The following CACNA1C variants were observed in gnomAD, a reference collection of about 807,000 sequenced individuals.
CACNA1C encodes the protein calcium voltage-gated channel subunit alpha1 C, also known as voltage-dependent L-type calcium channel subunit alpha-1C.
Under a neutral mutation model 229.0 loss-of-function variants are expected in CACNA1C, and 30 were observed. The observed-to-expected ratio is 0.13, with a 90% confidence interval of 0.10 to 0.18. The LOEUF is 0.18. Among genes scored for constraint, CACNA1C ranks in the 10% least tolerant of loss-of-function variants. The pLI, the probability that CACNA1C is intolerant of heterozygous loss-of-function variation, is 1.00. For missense variants in CACNA1C, 1,658 were observed against 2,845.0 expected, an observed-to-expected ratio of 0.58 and a Z score of 9.49; for synonymous variants, 1,114 against 1,132.5, an observed-to-expected ratio of 0.98 and a Z score of 0.33.
chr12:2,495,790 G>A lies in CACNA1C; in HGVS notation c.1113+2404G>A, dbSNP rs559024016. Among the ~76,000 whole-genome samples, 4 of 152,326 alleles carry A rather than the reference G, an allele frequency of 2.6e-5. No individual in the cohort carries two copies. In the South Asian group the frequency reaches 8.3e-4, roughly 32 times the overall value. On this transcript the variant is annotated intron_variant, in intron 7 of 46. Coordinates refer to ENST00000399655, the MANE Select transcript of CACNA1C (RefSeq NM_000719.7). ...CCCAAAATGGCCATGTTGTGTGTGTGTGCATTTGTATGTGTGTGCACGCCT... is the reference window on the plus strand; with the variant it reads ...CCCAAAATGGCCATGTTGTGTGTGTATGCATTTGTATGTGTGTGCACGCCT...
At chr12:2,245,541 G>C (rs951823528) in intron 3 of CACNA1C, among the ~76,000 whole-genome samples, 5 of 152,152 alleles carry the variant, frequency 3.3e-5, no homozygotes, top group African/African-American at 1.2e-4. Context: ...TCCTTTCCTT[G>C]TTCCTCCCAA....
chr12:2,315,201 C>G (rs78092653), intron 3 of CACNA1C, among the ~76,000 whole-genome samples: 1 of 152,198 alleles, frequency 6.6e-6, no homozygotes. Flanking sequence ...TTCAAATCTT[C>G]AAGGCCAGAT....
chr12:2,531,954 A>C (rs2099841960), intron 9 of CACNA1C, among the ~76,000 whole-genome samples: 1 of 151,932 alleles, frequency 6.6e-6, no homozygotes, highest in Non-Finnish European at 1.5e-5. Flanking sequence ...AAACCCTTCC[A>C]TCTTTGTGCA....
At chr12:2,413,643 C>A (rs2098833281) in intron 3 of CACNA1C, among the ~76,000 whole-genome samples, 1 of 152,160 alleles carries the variant, frequency 6.6e-6, no homozygotes, top group African/African-American at 2.4e-5. Context: ...CTGGGTCTGG[C>A]CGCCGTCCTA....
intron 9 of CACNA1C, among the ~76,000 whole-genome samples, chr12:2,520,886 G>A (rs1370407841): frequency 1.3e-5 from 2 of 151,970 alleles, no homozygotes; most frequent in East Asian, 3.9e-4. Context: ...CTTCAGAGGA[G>A]TGGGAAGGTG....
At position 2,268,154 on chromosome 12, in the gene CACNA1C, T is replaced by G. The variant is rs148061916; in HGVS notation, c.477+147724T>G. On this transcript the variant is annotated intron_variant, in intron 3 of 46. Transcript: ENST00000399655. ...GCAAACCTTGACTGGCTCCAAACAT[T>G]TTCACTTCAGGTGGTTTCTGAAAGA... is the stretch of plus-strand genomic sequence containing the variant. Among the ~76,000 whole-genome samples the G allele has an allele frequency of 5.9e-5, 9 of 152,262 alleles. No individual in the cohort carries two copies. In the East Asian group the frequency reaches 1.7e-3, roughly 29 times the overall value.
rs60493158 is a variant in CACNA1C, at chr12:2,135,581, C to G, written c.477+15151C>G. Among the ~76,000 whole-genome samples, 700 of 123,870 alleles carry G rather than the reference C, an allele frequency of 5.7e-3. 57 individuals carry two copies. Among genetic ancestry groups the G allele is most frequent in the Middle Eastern group, 0.016 (4 of 244 alleles). 81.3% of individuals were successfully genotyped at this position (123,870 alleles called of 152,430 possible). ...GTACCCTGCTGTGAGAGGTGTCAGT[C>G]TGCCCCTGCTGGGGGGTGCCTCCCA... On this transcript the variant is annotated intron_variant, in intron 3 of 46. Coordinates refer to ENST00000399655, the MANE Select transcript of CACNA1C (RefSeq NM_000719.7).
chr12:2,526,266 C>T (rs937883805), intron 9 of CACNA1C, among the ~76,000 whole-genome samples: 25 of 152,232 alleles, frequency 1.6e-4, no homozygotes, highest in Admixed American at 2.6e-4. Flanking sequence ...ATGCATCCCC[C>T]GAACCACACC....
At chr12:2,616,465 C>T (rs1193445645) in intron 29 of CACNA1C, among the ~76,000 whole-genome samples, 1 of 152,236 alleles carries the variant, frequency 6.6e-6, no homozygotes, top group African/African-American at 2.4e-5. Flanking sequence ...TGCCCCAGCC[C>T]TCCCTGGCCT....
intron 3 of CACNA1C, among the ~76,000 whole-genome samples, chr12:2,363,974 C>T (rs544875600): frequency 4.6e-5 from 7 of 152,294 alleles, no homozygotes; most frequent in African/African-American, 1.7e-4. Flanking sequence ...ATCATCCCCT[C>T]GTGCCTGGTG....
rs140792559 is a variant in CACNA1C, at chr12:2,019,156, C to T, written c.139+47955C>T. On this transcript the variant is annotated intron_variant, in intron 1 of 46. Coordinates refer to the CACNA1C transcript ENST00000682462. ...AAGGGAAAAACAGAGTTGGAGCTGA[C>T]TGAGGATTAGAAATGGAATCTGGGG... Among the ~76,000 whole-genome samples the T allele has an allele frequency of 6.8e-3, 1,034 of 152,146 alleles. 7 individuals are homozygous for T. The highest frequency in any genetic ancestry group is 0.011 in the Admixed American group (170 of 15,274).
intron 3 of CACNA1C, among the ~76,000 whole-genome samples, chr12:2,358,494 T>C (rs1158730620): frequency 6.6e-6 from 1 of 152,224 alleles, no homozygotes; most frequent in African/African-American, 2.4e-5. Context: ...TAAGTGGCAG[T>C]AACAGGAATT....
chr12:2,048,852 GGAA>G (rs151107211), upstream of CACNA1C, among the ~76,000 whole-genome samples: 16 of 152,002 alleles, frequency 1.1e-4, no homozygotes, highest in Admixed American at 2.6e-4. Flanking sequence ...GACCAGACAG[GGAA>G]GAAGAAGAAG....
Position 2,566,096 on chromosome 12 carries a change from A to C in CACNA1C, c.1509-326A>C, listed in dbSNP as rs1275172519. Reference sequence around the variant, plus strand: ...ACTATTTCTAAGAATGCTGTTTCACAAAAATTAAAAAAACTTCCATTTATT... The same window carrying C: ...ACTATTTCTAAGAATGCTGTTTCACCAAAATTAAAAAAACTTCCATTTATT... On this transcript the variant is annotated intron_variant, in intron 11 of 46. Coordinates refer to ENST00000399655, the MANE Select transcript of CACNA1C (RefSeq NM_000719.7). This position sits in a 1 kb window ranked among gnomAD's most constrained non-coding sequence, Gnocchi z 4.0. Among the ~76,000 whole-genome samples the C allele has an allele frequency of 6.6e-6, 1 of 152,230 alleles. No homozygotes were observed. Among genetic ancestry groups the C allele is most frequent in the African/African-American group, 2.4e-5 (1 of 41,444 alleles).
intron 1 of CACNA1C, among the ~76,000 whole-genome samples, chr12:2,047,729 C>T (rs1221004275): frequency 2.0e-5 from 3 of 152,148 alleles, no homozygotes; most frequent in African/African-American, 4.8e-5. Context: ...GTGGTACCAC[C>T]GTGAGTGATG....
chr12:2,190,687 C>T (rs1231304538), intron 3 of CACNA1C, among the ~76,000 whole-genome samples: 3 of 152,202 alleles, frequency 2.0e-5, no homozygotes, highest in Non-Finnish European at 4.4e-5. Context: ...GAGAGAGGAG[C>T]ACAGTGCTCT....
rs1568945308 is a variant in CACNA1C at position 2,633,681 on chromosome 12, G to T, written c.3829-616G>T. The stretch of plus-strand genomic sequence containing the variant: ...TTTGACTTCCTCATCGTAATTGGCA[G>T]CATAATTGACGTCATTCTCAGTGAG... On this transcript the variant is annotated intron_variant, in intron 29 of 46. Transcript: ENST00000399655. This position sits in a 1 kb window ranked among gnomAD's most constrained non-coding sequence, Gnocchi z 5.8. 6.2e-7 allele frequency: 1 copy of T among 1,610,498 alleles called. No individual in the cohort carries two copies. Among genetic ancestry groups the T allele is most frequent in the Non-Finnish European group, 8.5e-7 (1 of 1,176,902 alleles).
intron 1 of CACNA1C, among the ~76,000 whole-genome samples, chr12:2,032,879 C>T (rs181270835): frequency 1.1e-3 from 172 of 152,314 alleles, no homozygotes; most frequent in Non-Finnish European, 2.0e-3. Flanking sequence ...AACGCTGAAG[C>T]GCTGGTCCTG....
intron 13 of CACNA1C, among the ~76,000 whole-genome samples, chr12:2,572,580 CTCCTCCTCCTTCTCCTCTCCTCCTCCTT>C (rs2056146931): frequency 1.4e-4 from 1 of 7,058 alleles, no homozygotes; most frequent in Non-Finnish European, 3.2e-4. Flanking sequence ...TCCTTCTCCT[CTCCTCCTCCTTCTCCTCTCCTCCTCCTT>C]CTCCTCTTCC....
Sources: allele counts gnomAD v4.1 joint callset (sites outside exome capture counted in the v4.1 genomes callset), GRCh38; gene constraint gnomAD v4.1.1; non-coding constraint Gnocchi (gnomAD v3.1); transcripts MANE v1.5; gene names NCBI Gene and HGNC (gene_info 2026-07-23, HGNC 2026-07-21).